KCNQ5: variants seen among roughly 807,000 people sequenced by gnomAD.
KCNQ5 encodes potassium voltage-gated channel subfamily KQT member 5.
Under a neutral mutation model 98.2 loss-of-function variants are expected in KCNQ5, and 30 were observed. That is an observed-to-expected ratio of 0.31 (90% confidence interval 0.23 to 0.41). The LOEUF (loss-of-function observed/expected upper bound fraction) is 0.41, where lower values mean the gene tolerates loss of function less well. Ranked by LOEUF, KCNQ5 falls within the 10% of genes least tolerant of loss-of-function variation. KCNQ5 has a pLI of 1.00. For missense variants in KCNQ5, 835 were observed against 1,182.5 expected, an observed-to-expected ratio of 0.71 and a Z score of 4.31; for synonymous variants, 458 against 449.4, an observed-to-expected ratio of 1.02 and a Z score of -0.24.
chr6:73,103,589 C>A (rs1356697968), intron 5 of KCNQ5, among the ~76,000 whole-genome samples: 1 of 151,938 alleles, frequency 6.6e-6, no homozygotes, highest in African/African-American at 2.4e-5. Flanking sequence ...ACATATATAA[C>A]AAACCTGCAC....
At chr6:72,629,842 G>C (rs981465603) in intron 1 of KCNQ5, among the ~76,000 whole-genome samples, 3 of 152,138 alleles carry the variant, frequency 2.0e-5, no homozygotes, top group African/African-American at 7.2e-5. Context: ...TGCAACCTGG[G>C]AGAAAGATTG....
chr6:72,712,612 T>C (rs1769425895), intron 1 of KCNQ5, among the ~76,000 whole-genome samples: 1 of 152,204 alleles, frequency 6.6e-6, no homozygotes, highest in East Asian at 1.9e-4. Flanking sequence ...CATCATTCTT[T>C]GTATTAAATT....
chr6:72,652,875 G>T (rs2154472469), intron 1 of KCNQ5, among the ~76,000 whole-genome samples: 1 of 152,096 alleles, frequency 6.6e-6, no homozygotes, highest in Middle Eastern at 3.4e-3. Flanking sequence ...TTCCCATCTA[G>T]AAAATGAGAG....
chr6:72,772,466 A>G (rs1427771055), intron 1 of KCNQ5, among the ~76,000 whole-genome samples: 3 of 152,162 alleles, frequency 2.0e-5, no homozygotes, highest in African/African-American at 4.8e-5. Flanking sequence ...AGAGAAATTT[A>G]TTTTCTATTC....
At position 72,743,278 on chromosome 6, in the gene KCNQ5, A is replaced by C. The variant is rs375349810; in HGVS notation, c.398+120691A>C. On this transcript the variant is annotated intron_variant, in intron 1 of 13. Transcript: ENST00000370398. The stretch of plus-strand genomic sequence containing the variant: ...CTTTAGTTTTTCTTCACTGGTGCTG[A>C]ATCAAAATATTATTAAATATAATTA... 5.9e-5 allele frequency among the ~76,000 whole-genome samples: 9 copies of C among 151,780 alleles called. No homozygotes were observed. The East Asian group carries it at 1.2e-3, about 20-fold the overall frequency.
intron 1 of KCNQ5, among the ~76,000 whole-genome samples, chr6:72,860,258 A>G (rs1349558284): frequency 6.6e-6 from 1 of 152,242 alleles, no homozygotes; most frequent in African/African-American, 2.4e-5. Context: ...TTGAAGTCTC[A>G]CCTGCAAGGT....
intron 1 of KCNQ5, chr6:72,806,910 GA>G (rs1362554170): frequency 1.0e-5 from 4 of 386,686 alleles, no homozygotes; most frequent in Non-Finnish European, 2.0e-5. Flanking sequence ...TTTACAGTTT[GA>G]AAAACTTCTT....
At chr6:72,985,545 T>C (rs924314777) in intron 1 of KCNQ5, among the ~76,000 whole-genome samples, 4 of 152,176 alleles carry the variant, frequency 2.6e-5, no homozygotes, top group Non-Finnish European at 4.4e-5. Context: ...CCTAACCTCT[T>C]CCTAATTTTC....
At chr6:72,942,408 A>G (rs1320968902) in intron 1 of KCNQ5, among the ~76,000 whole-genome samples, 1 of 152,184 alleles carries the variant, frequency 6.6e-6, no homozygotes, top group Non-Finnish European at 1.5e-5. Flanking sequence ...CTATGTAAAA[A>G]TTGAGACGTG....
chr6:72,736,254 G>A (rs1242610611), intron 1 of KCNQ5, among the ~76,000 whole-genome samples: 1 of 151,938 alleles, frequency 6.6e-6, no homozygotes, highest in African/African-American at 2.4e-5. Flanking sequence ...AAGAAAAATG[G>A]TTCTGTACAA....
chr6:72,701,572 T>TTTTTG (rs1252959661), intron 1 of KCNQ5, among the ~76,000 whole-genome samples: 5 of 152,156 alleles, frequency 3.3e-5, no homozygotes, highest in South Asian at 2.1e-4. Flanking sequence ...CTTTTTTTGA[T>TTTTTG]TTTTGTTTTG....
At position 73,148,677 on chromosome 6, in the gene KCNQ5, A is replaced by G. The variant is rs376716213; in HGVS notation, c.1468+15036A>G. Among the ~76,000 whole-genome samples, 274 of 152,346 alleles carry G rather than the reference A, an allele frequency of 1.8e-3. 2 individuals carry two copies. Among genetic ancestry groups the G allele is most frequent in the South Asian group, 0.013 (61 of 4,830 alleles). On this transcript the variant is annotated intron_variant, in intron 10 of 13. Coordinates refer to ENST00000370398, the MANE Select transcript of KCNQ5 (RefSeq NM_019842.4). ...GTAATGACTGTTGAGATCAAAAAGT[A>G]TTTCAGAAAGTCACTGAGAATATAG...
At chr6:72,960,188 C>T (rs903326977) in intron 1 of KCNQ5, among the ~76,000 whole-genome samples, 4 of 152,108 alleles carry the variant, frequency 2.6e-5, no homozygotes, top group African/African-American at 9.7e-5. Context: ...ACCAAATGAT[C>T]CCATGGCCAT....
At position 73,157,771 on chromosome 6, in the gene KCNQ5, A is replaced by G. The variant is rs533575142; in HGVS notation, c.1469-11975A>G. The G allele has an allele frequency of 1.3e-5, 10 of 778,732 alleles. No individual in the cohort carries two copies. In the African/African-American group the frequency reaches 1.7e-4, roughly 13 times the overall value. 48.2% of individuals were successfully genotyped at this position (778,732 alleles called of 1,614,324 possible). On this transcript the variant is annotated intron_variant, in intron 10 of 13. Coordinates refer to ENST00000370398, the MANE Select transcript of KCNQ5 (RefSeq NM_019842.4). Reference sequence around the variant, plus strand: ...GTAAGTGTGCTCCTAGGTGGGGTGCATGTTGGTGGGATTTGGAGTTGCCAT... The same window carrying G: ...GTAAGTGTGCTCCTAGGTGGGGTGCGTGTTGGTGGGATTTGGAGTTGCCAT...
At chr6:72,718,338 T>C (rs1769758074) in intron 1 of KCNQ5, among the ~76,000 whole-genome samples, 2 of 152,256 alleles carry the variant, frequency 1.3e-5, no homozygotes, top group African/African-American at 4.8e-5. Context: ...CTTGCCAGTT[T>C]TCCACCTGCA....
intron 1 of KCNQ5, among the ~76,000 whole-genome samples, chr6:72,833,043 G>T (rs1562012620): frequency 1.3e-5 from 2 of 152,140 alleles, no homozygotes; most frequent in Admixed American, 1.3e-4. Context: ...GTTTCTGCAC[G>T]TGGAAATAAT....
At chr6:72,760,808 GAA>G (rs1000646833) in intron 1 of KCNQ5, among the ~76,000 whole-genome samples, 4 of 152,094 alleles carry the variant, frequency 2.6e-5, no homozygotes, top group African/African-American at 4.8e-5. Context: ...CTGAAGGAGA[GAA>G]AGTACAGTAG....
rs1385730199 is a variant in KCNQ5 at position 73,111,293 on chromosome 6, T to C, written c.1030-15T>C. 2 of 1,589,390 alleles carry C rather than the reference T, an allele frequency of 1.3e-6. No individual in the cohort carries two copies. Among genetic ancestry groups the C allele is most frequent in the Middle Eastern group, 1.7e-4 (1 of 6,026 alleles). On this transcript the variant is annotated splice_polypyrimidine_tract_variant and intron_variant, in intron 6 of 13. Transcript: ENST00000370398. Reference sequence around the variant, plus strand: ...TTTTGAAATTTTTGAGTGCCATTTTTGTATTTTGTTCCAGGGCATTCTTGG... The same window carrying C: ...TTTTGAAATTTTTGAGTGCCATTTTCGTATTTTGTTCCAGGGCATTCTTGG...
At chr6:73,190,515 T>C in intron 11 of KCNQ5, 58 bp from the exon 12 acceptor site, 1 of 904,660 alleles carries the variant, frequency 1.1e-6, no homozygotes, top group Non-Finnish European at 1.5e-6. Context: ...GGTAAACTAT[T>C]TTGGTAACTT....
Sources: allele counts gnomAD v4.1 joint callset (sites outside exome capture counted in the v4.1 genomes callset), GRCh38; gene constraint gnomAD v4.1.1; transcripts MANE v1.5; gene names NCBI Gene and HGNC (gene_info 2026-07-23, HGNC 2026-07-21).